The following CSMD1 variants were observed in gnomAD, a reference collection of about 807,000 sequenced individuals.
CSMD1 encodes the protein CUB and Sushi multiple domains 1.
In CSMD1, 213 loss-of-function variants were observed where a neutral mutation model predicts 417.5. That is an observed-to-expected ratio of 0.51 (90% CI 0.46 to 0.57). The LOEUF (loss-of-function observed/expected upper bound fraction) is 0.57. Ranked by LOEUF, CSMD1 falls within the 20% of genes least tolerant of loss-of-function variation. The pLI, the probability that CSMD1 is intolerant of heterozygous loss-of-function variation, is 0.00. For synonymous variants in CSMD1, 2,862 were observed against 1,736.8 expected (o/e 1.65, Z -16.11); for missense variants, 6,923 against 4,529.7 (o/e 1.53, Z -15.17).
intron 4 of CSMD1, among the ~76,000 whole-genome samples, chr8:4,018,908 T>C (rs57249772): frequency 0.18 from 27,321 of 152,090 alleles, 3,080 homozygotes; most frequent in African/African-American, 0.32. Context: ...TCTAGACTTG[T>C]CATGAAAGTT....
rs1261861778 is a variant in CSMD1 at position 3,406,741 on chromosome 8, T to C, written c.2072-520A>G. 5.9e-5 allele frequency among the ~76,000 whole-genome samples: 9 copies of C among 152,220 alleles called. No individual in the cohort carries two copies. In the East Asian group the frequency reaches 1.7e-3, roughly 29 times the overall value. On this transcript the variant is annotated intron_variant, in intron 14 of 69. Coordinates refer to ENST00000635120, the MANE Select transcript of CSMD1 (RefSeq NM_033225.6). The stretch of plus-strand genomic sequence containing the variant: ...TATTCTGCCTAAGAAACTAGGCAGT[T>C]AGCATATCATAATGTAGTATTACTC...
intron 2 of CSMD1, among the ~76,000 whole-genome samples, chr8:4,586,678 A>G (rs1049355866): frequency 6.6e-6 from 1 of 152,112 alleles, no homozygotes; most frequent in Non-Finnish European, 1.5e-5. Flanking sequence ...TTTTATTCAC[A>G]TGTATATGAA....
chr8:3,565,637 A>G lies in CSMD1; in HGVS notation c.1344+9308T>C, dbSNP rs533845349. ...TCTTTAAAAAAACCATTGAATCATAAAAGAAGTTAAAGCTCCTTCCCTAAA... is the reference window on the plus strand; with the variant it reads ...TCTTTAAAAAAACCATTGAATCATAGAAGAAGTTAAAGCTCCTTCCCTAAA... On this transcript the variant is annotated intron_variant, in intron 10 of 69. Transcript: ENST00000635120. 5.9e-5 allele frequency among the ~76,000 whole-genome samples: 9 copies of G among 152,316 alleles called. 1 individual carries two copies. The East Asian group carries it at 9.6e-4, about 16-fold the overall frequency.
At chr8:4,903,084 G>A (rs575962453) in intron 1 of CSMD1, among the ~76,000 whole-genome samples, 83 of 151,472 alleles carry the variant, frequency 5.5e-4, no homozygotes, top group Non-Finnish European at 9.7e-4. Context: ...TTAGATATAC[G>A]CAGCCATACA....
intron 3 of CSMD1, among the ~76,000 whole-genome samples, chr8:4,047,347 C>T (rs1217909388): frequency 6.6e-6 from 1 of 152,136 alleles, no homozygotes; most frequent in East Asian, 1.9e-4. Flanking sequence ...ACCCAAAGCC[C>T]TTGGGAACGG....
intron 3 of CSMD1, among the ~76,000 whole-genome samples, chr8:4,303,951 A>G (rs746828382): frequency 2.6e-5 from 4 of 152,142 alleles, no homozygotes; most frequent in Non-Finnish European, 4.4e-5. Flanking sequence ...TCCAGCTGCC[A>G]CTTTTCCCTC....
intron 3 of CSMD1, among the ~76,000 whole-genome samples, chr8:4,229,692 C>G (rs1319592370): frequency 6.6e-6 from 1 of 152,148 alleles, no homozygotes; most frequent in Non-Finnish European, 1.5e-5. Flanking sequence ...ATCTGATGTA[C>G]AGCCTCAGCC....
chr8:3,400,801 G>GAT (rs1811994291), intron 15 of CSMD1, among the ~76,000 whole-genome samples: 1 of 150,896 alleles, frequency 6.6e-6, no homozygotes, highest in Admixed American at 6.6e-5. Context: ...CATATTTTTT[G>GAT]ATATATTATA....
chr8:4,880,284 T>C (rs1176597652), intron 1 of CSMD1, among the ~76,000 whole-genome samples: 5 of 152,136 alleles, frequency 3.3e-5, no homozygotes, highest in Middle Eastern at 3.4e-3. Flanking sequence ...GAAGTTAGCT[T>C]TGGGGATCTC....
chr8:3,482,359 A>C (rs1817797938), intron 11 of CSMD1, among the ~76,000 whole-genome samples: 1 of 152,206 alleles, frequency 6.6e-6, no homozygotes. Context: ...AATAATAAAA[A>C]GCAGGAGTGC....
At chr8:4,730,005 G>A (rs559150485) in intron 1 of CSMD1, among the ~76,000 whole-genome samples, 2 of 152,110 alleles carry the variant, frequency 1.3e-5, no homozygotes, top group South Asian at 4.2e-4. Context: ...TCTGAAACTC[G>A]TGATTCAGAG....
intron 12 of CSMD1, among the ~76,000 whole-genome samples, chr8:3,449,252 A>ATT (rs1815529090): frequency 6.6e-6 from 1 of 152,194 alleles, no homozygotes; most frequent in South Asian, 2.1e-4. Flanking sequence ...AAAATTAAAC[A>ATT]GGCTTATTCT....
chr8:4,176,910 G>C (rs1461663821), intron 3 of CSMD1, among the ~76,000 whole-genome samples: 1 of 148,914 alleles, frequency 6.7e-6, no homozygotes, highest in Non-Finnish European at 1.5e-5. Context: ...CCCAATACAG[G>C]AGCACCCAGA....
At chr8:3,436,404 C>T (rs1024474781) in intron 12 of CSMD1, among the ~76,000 whole-genome samples, 1 of 152,116 alleles carries the variant, frequency 6.6e-6, no homozygotes, top group African/African-American at 2.4e-5. Context: ...AATGTAAAAT[C>T]TGTGAGAGCT....
intron 3 of CSMD1, among the ~76,000 whole-genome samples, chr8:4,159,044 T>G (rs1353320902): frequency 1.3e-5 from 2 of 152,072 alleles, no homozygotes; most frequent in African/African-American, 4.8e-5. Context: ...GCCTCCATAG[T>G]AACTGGGATT....
intron 3 of CSMD1, among the ~76,000 whole-genome samples, chr8:4,381,074 G>C (rs542858326): frequency 3.9e-5 from 6 of 152,236 alleles, no homozygotes; most frequent in Admixed American, 2.0e-4. Flanking sequence ...TATTAGGTTG[G>C]TTCAAAAGTA....
At chr8:4,570,455 T>A (rs1241277654) in intron 2 of CSMD1, among the ~76,000 whole-genome samples, 1 of 152,196 alleles carries the variant, frequency 6.6e-6, no homozygotes, top group Non-Finnish European at 1.5e-5. Context: ...TTGTGTATTT[T>A]GAGCTAGCCT....
intron 25 of CSMD1, among the ~76,000 whole-genome samples, chr8:3,305,310 C>G (rs539524044): frequency 6.6e-6 from 1 of 152,232 alleles, no homozygotes; most frequent in African/African-American, 2.4e-5. Flanking sequence ...AATCATTTAT[C>G]TTGATTAATT....
At chr8:3,564,812 T>C (rs567242761) in intron 10 of CSMD1, among the ~76,000 whole-genome samples, 1 of 151,648 alleles carries the variant, frequency 6.6e-6, no homozygotes, top group South Asian at 2.1e-4. Context: ...AGGGAAGTAG[T>C]CACCAAAACC....
Sources: gnomAD v4.1 joint callset for allele counts (sites outside exome capture counted in the v4.1 genomes callset) on GRCh38, gnomAD v4.1.1 for gene constraint, MANE v1.5 for transcripts, NCBI Gene and HGNC (gene_info 2026-07-23, HGNC 2026-07-21) for gene names.